The following FUT9 variants were observed in gnomAD, a reference collection of about 807,000 sequenced individuals.
FUT9 encodes the protein 4-galactosyl-N-acetylglucosaminide 3-alpha-L-fucosyltransferase 9.
Under a neutral mutation model 29.7 loss-of-function variants are expected in FUT9, and 15 were observed. That is an observed-to-expected ratio of 0.51 (90% CI 0.34 to 0.78). The LOEUF (loss-of-function observed/expected upper bound fraction) is 0.78. Ranked by LOEUF, FUT9 falls within the 30% of genes least tolerant of loss-of-function variation. The pLI, the probability that FUT9 is intolerant of heterozygous loss-of-function variation, is 0.01. For synonymous variants in FUT9, 169 were observed against 153.7 expected (o/e 1.10, Z -0.74); for missense variants, 319 against 425.4 (o/e 0.75, Z 2.20).
rs199802287 is a variant in FUT9, at chr6:96,203,748, C to T, written c.593C>T (p.Pro198Leu). 2.0e-4 allele frequency: 326 copies of T among 1,613,892 alleles called. No individual in the cohort carries two copies. Among genetic ancestry groups the T allele is most frequent in the Non-Finnish European group, 2.7e-4 (323 of 1,180,030 alleles). ...TGCTGGGTTGTGAGTAACTGGAACC[C>T]TGAGCATGCCAGAGTCAAGTATTAC... ...LVCWVVSNWNPEHARVKYYNE... is the reference protein window; with the variant it reads ...LVCWVVSNWNLEHARVKYYNE... The change falls in exon 3 of 3, where the codon CCT becomes CTT. Residue 198 changes from proline to leucine, a missense_variant. Transcript: ENST00000302103.
At chr6:96,142,795 C>A (rs562307818) in intron 2 of FUT9, among the ~76,000 whole-genome samples, 1 of 152,082 alleles carries the variant, frequency 6.6e-6, no homozygotes, top group Non-Finnish European at 1.5e-5. Context: ...TATACAAACA[C>A]TTTTGGACAC....
intron 1 of FUT9, among the ~76,000 whole-genome samples, chr6:96,053,165 T>C (rs1026372833): frequency 2.0e-4 from 30 of 152,252 alleles, no homozygotes; most frequent in Non-Finnish European, 3.7e-4. Context: ...AATTAAATAA[T>C]TTTATACTTA....
intron 2 of FUT9, among the ~76,000 whole-genome samples, chr6:96,195,895 T>G (rs1251387774): frequency 6.6e-6 from 1 of 152,298 alleles, no homozygotes; most frequent in South Asian, 2.1e-4. Context: ...AGCAAATTAT[T>G]CTTTGAACCT....
intron 1 of FUT9, among the ~76,000 whole-genome samples, chr6:96,106,473 A>C (rs1771688279): frequency 1.3e-5 from 2 of 152,014 alleles, no homozygotes; most frequent in African/African-American, 4.8e-5. Flanking sequence ...ACCCTGGCCT[A>C]CTTTCCCAAT....
At chr6:96,129,288 AAAAAC>A (rs1772196008) in intron 2 of FUT9, among the ~76,000 whole-genome samples, 4 of 6,060 alleles carry the variant, frequency 6.6e-4, no homozygotes, top group Admixed American at 9.7e-3. Context: ...AAAAAAAAAA[AAAAAC>A]AAACAACCAG....
chr6:96,070,868 G>C (rs1490624958), intron 1 of FUT9, among the ~76,000 whole-genome samples: 4 of 152,092 alleles, frequency 2.6e-5, no homozygotes, highest in African/African-American at 9.7e-5. Context: ...CTTGGGATCT[G>C]AATTATGCAT....
chr6:96,193,962 C>G (rs557055972), intron 2 of FUT9, among the ~76,000 whole-genome samples: 8 of 152,242 alleles, frequency 5.3e-5, no homozygotes, highest in African/African-American at 1.9e-4. Context: ...GGCGAAAAAC[C>G]AAACACTGCA....
At chr6:96,043,264 G>T (rs1457185359) in intron 1 of FUT9, among the ~76,000 whole-genome samples, 1 of 150,164 alleles carries the variant, frequency 6.7e-6, no homozygotes, top group African/African-American at 2.5e-5. Flanking sequence ...TGTTAGCCAG[G>T]ATGGTCTTGA....
chr6:96,067,195 A>AAT (rs5878414), intron 1 of FUT9, among the ~76,000 whole-genome samples: 16 of 148,348 alleles, frequency 1.1e-4, no homozygotes, highest in South Asian at 6.3e-4. Flanking sequence ...TTAGGCTATG[A>AAT]ATATATATAT....
chr6:96,134,434 A>G (rs1310803228), intron 2 of FUT9, among the ~76,000 whole-genome samples: 1 of 151,806 alleles, frequency 6.6e-6, no homozygotes, highest in Non-Finnish European at 1.5e-5. Context: ...CCAATTACTT[A>G]TTCAGGAACA....
intron 1 of FUT9, among the ~76,000 whole-genome samples, chr6:96,046,045 T>C (rs79613938): frequency 0.033 from 4,988 of 152,244 alleles, 294 homozygotes; most frequent in African/African-American, 0.11. Flanking sequence ...TCACATTCTT[T>C]CTTTGTATGT....
At chr6:96,058,906 T>G (rs999767587) in intron 1 of FUT9, among the ~76,000 whole-genome samples, 7 of 152,128 alleles carry the variant, frequency 4.6e-5, no homozygotes, top group African/African-American at 1.4e-4. Context: ...CTACAAAAAT[T>G]TCTCCCTCTT....
intron 1 of FUT9, among the ~76,000 whole-genome samples, chr6:96,051,014 G>C (rs867129363): frequency 4.3e-4 from 64 of 150,384 alleles, no homozygotes; most frequent in Admixed American, 8.6e-4. Context: ...CTCTCTCTCT[G>C]TGTGTGTGTG....
chr6:96,134,110 T>C (rs987529413), intron 2 of FUT9, among the ~76,000 whole-genome samples: 2 of 151,752 alleles, frequency 1.3e-5, no homozygotes, highest in African/African-American at 4.8e-5. Flanking sequence ...TGTGAACAAA[T>C]AGAAAAAAAT....
chr6:96,186,945 C>T (rs1046848985), intron 2 of FUT9, among the ~76,000 whole-genome samples: 1 of 152,132 alleles, frequency 6.6e-6, no homozygotes, highest in Admixed American at 6.6e-5. Context: ...GAAACACTCT[C>T]ACAGACACAC....
chr6:96,131,421 G>A (rs968488922), intron 2 of FUT9, among the ~76,000 whole-genome samples: 1 of 151,930 alleles, frequency 6.6e-6, no homozygotes, highest in Non-Finnish European at 1.5e-5. Flanking sequence ...GACTACAAAT[G>A]TAGTGTTGTC....
At chr6:96,198,977 T>C (rs1044617870) in intron 2 of FUT9, among the ~76,000 whole-genome samples, 2 of 143,230 alleles carry the variant, frequency 1.4e-5, no homozygotes, top group East Asian at 4.0e-4. Context: ...GGAGGTAATC[T>C]CTTAACAGAA....
intron 2 of FUT9, among the ~76,000 whole-genome samples, chr6:96,196,068 A>G (rs1279965081): frequency 6.6e-6 from 1 of 152,154 alleles, no homozygotes; most frequent in Non-Finnish European, 1.5e-5. Context: ...GAAGGATTCA[A>G]GATACATACT....
intron 1 of FUT9, among the ~76,000 whole-genome samples, chr6:96,037,782 T>C (rs1211291675): frequency 6.6e-6 from 1 of 152,134 alleles, no homozygotes; most frequent in Non-Finnish European, 1.5e-5. Flanking sequence ...TAGCCAATTA[T>C]ACCTAATTGT....
Sources: allele counts gnomAD v4.1 joint callset (sites outside exome capture counted in the v4.1 genomes callset), GRCh38; gene constraint gnomAD v4.1.1; transcripts MANE v1.5; gene names NCBI Gene and HGNC (gene_info 2026-07-23, HGNC 2026-07-21).